Variants in PLCH1 observed in about 807,000 individuals in gnomAD.
PLCH1 encodes 1-phosphatidylinositol 4,5-bisphosphate phosphodiesterase eta-1.
PLCH1 carries 60 observed loss-of-function variants against 126.7 expected under a neutral mutation model. The observed-to-expected ratio is 0.47, with a 90% CI of 0.38 to 0.59. The LOEUF (loss-of-function observed/expected upper bound fraction) is 0.59, where lower values mean the gene tolerates loss of function less well. Ranked by LOEUF, PLCH1 falls within the 20% of genes least tolerant of loss-of-function variation. PLCH1 has a pLI of 0.00. For missense variants in PLCH1, 1,723 were observed against 2,040.0 expected, an observed-to-expected ratio of 0.84 and a Z score of 2.99; for synonymous variants, 719 against 734.9, an observed-to-expected ratio of 0.98 and a Z score of 0.35.
In PLCH1 at chr3:155,481,247, C is replaced by T. The variant is rs1301074872; in HGVS notation, c.4779G>A (p.Lys1593=). Residue 1593 remains lysine, a synonymous_variant, in exon 23 of 23, where the codon AAG becomes AAA. Transcript: ENST00000460012. This position sits in a 1 kb window ranked among gnomAD's most constrained non-coding sequence, Gnocchi z 4.2. ...CATTGCTGGGGTTTGGAACTTTCTG[C>T]TTGTTGGCTTCCTGTTTCTCCTTGG... The part of the protein sequence containing the change: ...SRAKEKQEAN[K]QKVPNPSNGA... The T allele has an allele frequency of 6.2e-7, 1 of 1,614,224 alleles. No homozygotes were observed. The highest frequency in any genetic ancestry group is 8.5e-7 in the Non-Finnish European group (1 of 1,180,044).
chr3:155,677,230 G>A lies in PLCH1; in HGVS notation c.79+26916C>T, dbSNP rs150963165. Among the ~76,000 whole-genome samples the A allele has an allele frequency of 5.7e-3, 874 of 152,228 alleles. 12 individuals are homozygous for A. The highest frequency in any genetic ancestry group is 0.02 in the African/African-American group (828 of 41,524). ...CCCATTCTGCATATACCAGTGTCAG[G>A]CCCTTTAGGCAATTCCCACCAGGGC... is the stretch of plus-strand genomic sequence containing the variant. On this transcript the variant is annotated intron_variant, in intron 2 of 22. Coordinates refer to ENST00000460012, the MANE Select transcript of PLCH1 (RefSeq NM_014996.4).
At position 155,594,157 on chromosome 3, in the gene PLCH1, G is replaced by A. The variant is rs774953631; in HGVS notation, c.254C>T (p.Thr85Ile). ...GAATATTTCAGACTGCCGGCCCTCA[G>A]TCACTTTGTAAATGGAATCAATAAG... ...KILIDSIYKV[T>I]EGRQSEIFHR... Residue 85 changes from threonine (T) to isoleucine (I), a missense_variant, in exon 4 of 23, where the codon ACT becomes ATT. This residue lies in a region of PLCH1 where 776 missense variants were observed against 1,062.9 expected (regional missense o/e 0.73). Transcript: ENST00000460012. 5.6e-6 allele frequency: 9 copies of A among 1,613,826 alleles called. No homozygotes were observed. The Admixed American group carries it at 1.3e-4, about 24-fold the overall frequency.
intron 8 of PLCH1, among the ~76,000 whole-genome samples, chr3:155,564,621 T>C (rs1270464157): frequency 1.3e-5 from 2 of 152,108 alleles, no homozygotes; most frequent in Non-Finnish European, 2.9e-5. Flanking sequence ...TCCTGAACTA[T>C]TTTTGCAATT....
rs138226363 is a variant in PLCH1, at chr3:155,610,740, T to C, written c.80-14362A>G. On this transcript the variant is annotated intron_variant, in intron 2 of 22. Transcript: ENST00000460012. The stretch of plus-strand genomic sequence containing the variant: ...TAAAACTTGAAACAAAACCTCAAAA[T>C]ACACCAAAACAGAAGCTCCTTAAAG... Among the ~76,000 whole-genome samples the C allele has an allele frequency of 3.0e-3, 453 of 151,298 alleles. 2 individuals are homozygous for C. The highest frequency in any genetic ancestry group is 0.02 in the South Asian group (94 of 4,796).
chr3:155,730,463 T>C (rs574307537), intron 1 of PLCH1, among the ~76,000 whole-genome samples: 35 of 152,126 alleles, frequency 2.3e-4, no homozygotes, highest in African/African-American at 8.0e-4. Flanking sequence ...GTATTTTTAG[T>C]AGAGACAGGG....
chr3:155,554,800 T>C (rs890935279), intron 8 of PLCH1, among the ~76,000 whole-genome samples: 1 of 152,226 alleles, frequency 6.6e-6, no homozygotes, highest in Non-Finnish European at 1.5e-5. Context: ...TTTCCCCATC[T>C]AGAAAAGGAG....
In PLCH1 at chr3:155,485,978, A is replaced by G. The variant is rs140169608; in HGVS notation, c.2620-268T>C. 4.9e-4 allele frequency: 297 copies of G among 608,220 alleles called. No individual in the cohort carries two copies. The African/African-American group carries it at 5.0e-3, about 10-fold the overall frequency. 37.7% of individuals were successfully genotyped at this position (608,220 alleles called of 1,614,324 possible). A position where few individuals can be genotyped will look rare whatever the true frequency, so the allele number is the denominator to read the frequency against. Reference sequence around the variant, plus strand: ...TACCCAGAGATGACAAAGTGGTAGGAAAAGTCTCCACAGCTCATAGACTGC... The same window carrying G: ...TACCCAGAGATGACAAAGTGGTAGGGAAAGTCTCCACAGCTCATAGACTGC... On this transcript the variant is annotated intron_variant, in intron 21 of 22. Coordinates refer to ENST00000460012, the MANE Select transcript of PLCH1 (RefSeq NM_014996.4).
intron 1 of PLCH1, among the ~76,000 whole-genome samples, chr3:155,736,661 C>G (rs1011888749): frequency 6.6e-6 from 1 of 152,114 alleles, no homozygotes; most frequent in Non-Finnish European, 1.5e-5. Context: ...AAACCTCTCC[C>G]GCCCTGTTAT....
intron 19 of PLCH1, 103 bp from the exon 20 acceptor site, chr3:155,488,909 G>C: frequency 2.0e-6 from 2 of 987,116 alleles, no homozygotes; most frequent in Non-Finnish European, 2.9e-6. Context: ...GCTTGCAATG[G>C]TTATTAAACT....
chr3:155,687,357 C>T (rs1577320492), intron 2 of PLCH1, among the ~76,000 whole-genome samples: 1 of 152,166 alleles, frequency 6.6e-6, no homozygotes, highest in Non-Finnish European at 1.5e-5. Context: ...AAGAATTGCT[C>T]CTTCATGAAT....
chr3:155,537,250 A>G (rs1421715573), intron 10 of PLCH1, among the ~76,000 whole-genome samples: 2 of 120,792 alleles, frequency 1.7e-5, no homozygotes, highest in Non-Finnish European at 3.6e-5. Flanking sequence ...AGGAGTGCTA[A>G]ATCTTGAAAG....
intron 8 of PLCH1, among the ~76,000 whole-genome samples, chr3:155,557,627 G>C (rs1445630942): frequency 6.6e-6 from 1 of 152,172 alleles, no homozygotes; most frequent in Admixed American, 6.5e-5. Context: ...AAATGGCAGT[G>C]AAGTTTCCTG....
At chr3:155,465,619 C>T (rs1410886231) in intron 21 of PLCH1, among the ~76,000 whole-genome samples, 1 of 151,978 alleles carries the variant, frequency 6.6e-6, no homozygotes, top group African/African-American at 2.4e-5. Flanking sequence ...AAAAGGGACT[C>T]TCTCTTGCAT....
chr3:155,494,431 G>T lies in PLCH1; in HGVS notation c.1981C>A (p.Gln661Lys), dbSNP rs377390398. ...QKSEQFMIYN[Q>K]KQLTRIYPSA... is the part of the protein sequence containing the mutation. Reference sequence around the variant, plus strand: ...GGGTAAATCCTCGTGAGTTGCTTTTGATTATAAATCATGAACTGCTCTGAT... The same window carrying T: ...GGGTAAATCCTCGTGAGTTGCTTTTTATTATAAATCATGAACTGCTCTGAT... The change falls in exon 16 of 23, where the codon CAA becomes AAA. Residue 661 changes from glutamine to lysine, a missense_variant. By Grantham distance (53) the Gln-to-Lys change is moderately conservative. Around this residue, in one of 2 missense-constraint regions of PLCH1, gnomAD observed 776 missense variants for 1,062.9 expected, o/e 0.73. Coordinates refer to ENST00000460012, the MANE Select transcript of PLCH1 (RefSeq NM_014996.4). 88 of 1,613,790 alleles carry T rather than the reference G, an allele frequency of 5.5e-5. No homozygotes were observed. The highest frequency in any genetic ancestry group is 7.0e-5 in the Non-Finnish European group (82 of 1,179,840).
Position 155,482,457 on chromosome 3 carries a change from G to T in PLCH1, c.3569C>A (p.Ala1190Asp), listed in dbSNP as rs771195310. 7 of 1,614,030 alleles carry T rather than the reference G, an allele frequency of 4.3e-6. No homozygotes were observed. In the African/African-American group the frequency reaches 9.3e-5, roughly 22 times the overall value. ...NENEPGSSIS[A>D]LIGQFDETNN... ...GGTCTCATCAAACTGGCCAATCAGG[G>T]CTGAGATGGAACTGCCCGGCTCATT... Residue 1190 changes from alanine (A) to aspartate (D), a missense_variant, in exon 23 of 23, where the codon GCC (alanine) becomes GAC (aspartate). Coordinates refer to ENST00000460012, the MANE Select transcript of PLCH1 (RefSeq NM_014996.4).
At chr3:155,639,578 G>A (rs1417905185) in intron 2 of PLCH1, among the ~76,000 whole-genome samples, 1 of 152,172 alleles carries the variant, frequency 6.6e-6, no homozygotes, top group Non-Finnish European at 1.5e-5. Flanking sequence ...AAAAGGGAAG[G>A]AGTGGGCTAA....
At chr3:155,540,769 A>C (rs1724123569) in intron 10 of PLCH1, among the ~76,000 whole-genome samples, 1 of 152,210 alleles carries the variant, frequency 6.6e-6, no homozygotes, top group Non-Finnish European at 1.5e-5. Flanking sequence ...TGTGGTGAAA[A>C]CAGAACACTT....
intron 12 of PLCH1, among the ~76,000 whole-genome samples, chr3:155,506,012 C>T (rs1248135782): frequency 6.6e-6 from 1 of 151,398 alleles, no homozygotes; most frequent in Non-Finnish European, 1.5e-5. Flanking sequence ...AAATGGGATA[C>T]TTTTAATAAT....
chr3:155,743,662 T>C (rs1179598744), intron 1 of PLCH1: 2 of 385,948 alleles, frequency 5.2e-6, no homozygotes, highest in Non-Finnish European at 9.9e-6. Context: ...TGAAAAAAAC[T>C]ACCGCCTCTT....
Sources: allele counts gnomAD v4.1 joint callset (sites outside exome capture counted in the v4.1 genomes callset), GRCh38; gene constraint gnomAD v4.1.1; regional missense constraint gnomAD v4.1.1; non-coding constraint Gnocchi (gnomAD v3.1); transcripts MANE v1.5; gene names NCBI Gene and HGNC (gene_info 2026-07-23, HGNC 2026-07-21).